Variants in DPY19L4 observed in about 807,000 individuals in gnomAD.
DPY19L4 encodes probable C-mannosyltransferase DPY19L4.
DPY19L4 carries 97 observed loss-of-function variants against 102.8 expected under a neutral mutation model. The ratio of observed to expected loss-of-function variants is 0.94; its 90% CI spans 0.80 to 1.12. DPY19L4 has a LOEUF of 1.12. Among genes scored for constraint, DPY19L4 ranks in the 50% most tolerant of loss-of-function variants. The pLI is 0.00. For missense variants in DPY19L4, 815 were observed against 850.4 expected (o/e 0.96, Z 0.52); for synonymous variants, 252 against 283.1 (o/e 0.89, Z 1.10).
At chr8:94,743,067 G>A (rs985618945) in intron 6 of DPY19L4, among the ~76,000 whole-genome samples, 5 of 151,122 alleles carry the variant, frequency 3.3e-5, no homozygotes, top group Admixed American at 6.6e-5. Flanking sequence ...TGCTCTTGTC[G>A]CCCAGGCTAG....
chr8:94,761,710 A>G lies in DPY19L4; in HGVS notation c.746A>G (p.Tyr249Cys). 1 of 1,595,316 alleles carries G rather than the reference A, an allele frequency of 6.3e-7. No homozygotes were observed. The highest frequency in any genetic ancestry group is 1.3e-5 in the African/African-American group (1 of 74,322). Reference protein sequence around the residue: ...NLNTYGERFCYLLMSASTYTF... With the variant: ...NLNTYGERFCCLLMSASTYTF... Reference sequence around the variant, plus strand: ...ATTTGTTTTCCCTAGAGGTTTTGCTACTTGTTGATGAGTGCTTCAACTTAC... The same window carrying G: ...ATTTGTTTTCCCTAGAGGTTTTGCTGCTTGTTGATGAGTGCTTCAACTTAC... The change falls in exon 8 of 19, where the codon TAC becomes TGC. Residue 249 changes from tyrosine (Y) to cysteine (C), a missense_variant. Tyr to Cys is a radical substitution (Grantham distance 194). Coordinates refer to ENST00000414645, the MANE Select transcript of DPY19L4 (RefSeq NM_181787.3).
intron 17 of DPY19L4, among the ~76,000 whole-genome samples, chr8:94,784,719 C>T (rs898307169): frequency 3.3e-5 from 5 of 152,196 alleles, no homozygotes; most frequent in African/African-American, 1.2e-4. Context: ...CGTGAGCCAC[C>T]GTGCCCAGCC....
rs1250413056 is a variant in DPY19L4 at position 94,792,897 on chromosome 8, G to A, written c.*2987G>A. 2 of 152,108 alleles carry A rather than the reference G, an allele frequency of 1.3e-5. No individual in the cohort carries two copies. The highest frequency in any genetic ancestry group is 2.9e-5 in the Non-Finnish European group (2 of 68,036). 9.4% of individuals were successfully genotyped at this position (152,108 alleles called of 1,614,324 possible). A position where few individuals can be genotyped will look rare whatever the true frequency, so the allele number is the denominator to read the frequency against. ...AGAGATGGGATCTCTAGCCTCCTAAGTTAATTTAGCCTCCCAAATGCCAGA... is the reference window on the plus strand; with the variant it reads ...AGAGATGGGATCTCTAGCCTCCTAAATTAATTTAGCCTCCCAAATGCCAGA... On this transcript the variant is annotated 3_prime_UTR_variant, in exon 19 of 19. Transcript: ENST00000414645.
At chr8:94,732,731 T>C (rs1324698415) in intron 2 of DPY19L4, among the ~76,000 whole-genome samples, 1 of 151,902 alleles carries the variant, frequency 6.6e-6, no homozygotes, top group Non-Finnish European at 1.5e-5. Context: ...TTTTTTGATA[T>C]TGGGTCATAC....
At chr8:94,721,646 G>A (rs1225213159) in intron 1 of DPY19L4, among the ~76,000 whole-genome samples, 3 of 152,068 alleles carry the variant, frequency 2.0e-5, no homozygotes, top group East Asian at 1.9e-4. Flanking sequence ...TTAACTTAAA[G>A]CATTAAAAAA....
At chr8:94,722,014 T>A (rs1476387101) in intron 1 of DPY19L4, among the ~76,000 whole-genome samples, 2 of 151,992 alleles carry the variant, frequency 1.3e-5, no homozygotes, top group Non-Finnish European at 2.9e-5. Context: ...GAGGCTGAGA[T>A]AGGAGAATCA....
At chr8:94,786,672 C>G (rs1326632695) in intron 17 of DPY19L4, among the ~76,000 whole-genome samples, 2 of 151,902 alleles carry the variant, frequency 1.3e-5, no homozygotes, top group Non-Finnish European at 2.9e-5. Context: ...CTCAGACTCC[C>G]GAGTAGCTGG....
rs34879619 is a variant in DPY19L4, at chr8:94,733,118, C to CTTTTTTTTT, written c.128-1495_128-1487dup. On this transcript the variant is annotated intron_variant, in intron 2 of 18. Coordinates refer to ENST00000414645, the MANE Select transcript of DPY19L4 (RefSeq NM_181787.3). Reference sequence around the variant, plus strand: ...CCACCACACTTAGCTTCATCTTAACCTTTTTTTTTTTTTTTTTTTTTTTTT... The same window carrying CTTTTTTTTT: ...CCACCACACTTAGCTTCATCTTAACCTTTTTTTTTTTTTTTTTTTTTTTTTTTTTTTTTT... Among the ~76,000 whole-genome samples the CTTTTTTTTT allele has an allele frequency of 1.4e-4, 11 of 76,348 alleles. 1 individual carries two copies. Among genetic ancestry groups the CTTTTTTTTT allele is most frequent in the African/African-American group, 1.8e-4 (3 of 16,986 alleles). The allele number at this position is 76,348 out of a possible 152,430, so 50.1% of individuals were successfully genotyped here.
intron 8 of DPY19L4, among the ~76,000 whole-genome samples, chr8:94,762,397 CAGGA>C (rs1221013659): frequency 2.0e-5 from 3 of 152,142 alleles, no homozygotes; most frequent in Middle Eastern, 3.2e-3. Flanking sequence ...CTCAAGCCAT[CAGGA>C]AGCAAGAGGA....
Position 94,777,768 on chromosome 8 carries a change from T to C in DPY19L4, c.1557T>C (p.Thr519=). ...TTTTCAAGTGGCTTCGATTAAGAACTGTACACCCAATATTGTTGGTGAGTC... is the reference window on the plus strand; with the variant it reads ...TTTTCAAGTGGCTTCGATTAAGAACCGTACACCCAATATTGTTGGTGAGTC... ...MTLFKWLRLR[T]VHPILLALIL... is the part of the protein sequence containing the mutation. Residue 519 remains threonine (T), a synonymous_variant, in exon 14 of 19, where the codon ACT becomes ACC. Coordinates refer to ENST00000414645, the MANE Select transcript of DPY19L4 (RefSeq NM_181787.3). The C allele has an allele frequency of 6.2e-7, 1 of 1,613,134 alleles. No individual in the cohort carries two copies.
chr8:94,724,650 G>A (rs1810610041), intron 1 of DPY19L4, among the ~76,000 whole-genome samples: 1 of 148,598 alleles, frequency 6.7e-6, no homozygotes, highest in Non-Finnish European at 1.5e-5. Flanking sequence ...GTGCAGTAGC[G>A]CGATCTCGGG....
Position 94,726,524 on chromosome 8 carries a change from T to C in DPY19L4, c.127+83T>C, listed in dbSNP as rs1810697254. ...ATATTTTATGTCAATATTTTAAATATACATATTTTGAGATTAAGTATATGC... is the reference window on the plus strand; with the variant it reads ...ATATTTTATGTCAATATTTTAAATACACATATTTTGAGATTAAGTATATGC... On this transcript the variant is annotated intron_variant, in intron 2 of 18. Transcript: ENST00000414645. 3 of 1,165,780 alleles carry C rather than the reference T, an allele frequency of 2.6e-6. No homozygotes were observed. The South Asian group carries it at 4.9e-5, about 19-fold the overall frequency. The allele number at this position is 1,165,780 out of a possible 1,614,324, so 72.2% of individuals were successfully genotyped here. A position where few individuals can be genotyped will look rare whatever the true frequency, so the allele number is the denominator to read the frequency against.
intron 7 of DPY19L4, among the ~76,000 whole-genome samples, chr8:94,757,211 C>T (rs1812199639): frequency 6.6e-6 from 1 of 152,054 alleles, no homozygotes; most frequent in Non-Finnish European, 1.5e-5. Flanking sequence ...ACTTATGGGT[C>T]CTTTATAAAA....
rs1224120320 is a variant in DPY19L4, at chr8:94,787,882, A to C, written c.1849-12A>C. 2 of 1,317,150 alleles carry C rather than the reference A, an allele frequency of 1.5e-6. No individual in the cohort carries two copies. The highest frequency in any genetic ancestry group is 2.0e-6 in the Non-Finnish European group (2 of 1,017,320). The allele number at this position is 1,317,150 out of a possible 1,614,324, so 81.6% of individuals were successfully genotyped here. A position where few individuals can be genotyped will look rare whatever the true frequency, so the allele number is the denominator to read the frequency against. ...ATATTCTTTCAGTTTTATTTTAATT[A>C]TATTCTTTCAGATCTACCAAATCTA... On this transcript the variant is annotated splice_polypyrimidine_tract_variant and intron_variant, in intron 17 of 18. Transcript: ENST00000414645.
chr8:94,755,768 C>T (rs1403060482), intron 6 of DPY19L4, among the ~76,000 whole-genome samples: 1 of 152,046 alleles, frequency 6.6e-6, no homozygotes, highest in African/African-American at 2.4e-5. Context: ...GCCTGTAATC[C>T]CAGCTACGCA....
At chr8:94,745,954 A>C (rs936444165) in intron 6 of DPY19L4, among the ~76,000 whole-genome samples, 1 of 150,186 alleles carries the variant, frequency 6.7e-6, no homozygotes, top group African/African-American at 2.5e-5. Flanking sequence ...GGGTTCCTCC[A>C]TGTTGGTCAG....
chr8:94,725,243 A>G (rs1278708155), intron 1 of DPY19L4, among the ~76,000 whole-genome samples: 1 of 152,222 alleles, frequency 6.6e-6, no homozygotes, highest in Non-Finnish European at 1.5e-5. Context: ...TTCCACTTCC[A>G]TGAGAAAGAT....
chr8:94,770,356 A>G, intron 12 of DPY19L4, 96 bp from the exon 13 acceptor site: 1 of 1,309,244 alleles, frequency 7.6e-7, no homozygotes, highest in Non-Finnish European at 1.0e-6. Flanking sequence ...GAAATATAAA[A>G]TTTTAGGTAT....
intron 16 of DPY19L4, among the ~76,000 whole-genome samples, chr8:94,782,302 A>G (rs1408196031): frequency 6.6e-6 from 1 of 152,176 alleles, no homozygotes; most frequent in Admixed American, 6.5e-5. Context: ...CTCATCATCT[A>G]GCAGGTTAAC....
Sources: allele counts gnomAD v4.1 joint callset (sites outside exome capture counted in the v4.1 genomes callset), GRCh38; gene constraint gnomAD v4.1.1; transcripts MANE v1.5; gene names NCBI Gene and HGNC (gene_info 2026-07-23, HGNC 2026-07-21).